Variants in LRMDA observed in about 807,000 individuals in gnomAD.
LRMDA encodes leucine rich melanocyte differentiation associated.
LRMDA carries 18 observed loss-of-function variants against 29.8 expected under a neutral mutation model. The observed-to-expected ratio is 0.60, with a 90% CI of 0.42 to 0.90. LRMDA has a LOEUF of 0.90. LRMDA is among the 40% of genes least tolerant of loss of function. The pLI is 0.00. For missense variants in LRMDA, 273 were observed against 273.9 expected, an observed-to-expected ratio of 1.00 and a Z score of 0.02; for synonymous variants, 125 against 109.4, an observed-to-expected ratio of 1.14 and a Z score of -0.89.
At chr10:76,375,511 G>A (rs143074942) in intron 6 of LRMDA, among the ~76,000 whole-genome samples, 32 of 152,234 alleles carry the variant, frequency 2.1e-4, no homozygotes, top group African/African-American at 7.2e-4. Context: ...AAAATGCTTC[G>A]TAGTGTTTTA....
intron 5 of LRMDA, among the ~76,000 whole-genome samples, chr10:76,280,927 GTGGCCTTA>G: frequency 6.6e-6 from 1 of 152,140 alleles, no homozygotes; most frequent in East Asian, 1.9e-4. Flanking sequence ...AGAATTGCTT[GTGGCCTTA>G]TTGATATACA....
At chr10:75,479,582 C>T (rs1336222953) in intron 2 of LRMDA, among the ~76,000 whole-genome samples, 2 of 151,696 alleles carry the variant, frequency 1.3e-5, no homozygotes, top group South Asian at 2.1e-4. Flanking sequence ...GAAGGAGCCA[C>T]TCATTCATTC....
rs376345087 is a variant in LRMDA at position 76,222,908 on chromosome 10, C to T, written c.517-101493C>T. On this transcript the variant is annotated intron_variant, in intron 5 of 6. Transcript: ENST00000611255. ...TAGACTGGATTAAGAAAATGTGGCA[C>T]ATATACACCATGGAATACTATGCAG... is the stretch of plus-strand genomic sequence containing the variant. Among the ~76,000 whole-genome samples the T allele has an allele frequency of 8.8e-3, 1,336 of 152,140 alleles. 16 individuals are homozygous for T. The highest frequency in any genetic ancestry group is 0.013 in the Non-Finnish European group (891 of 68,000).
At chr10:75,698,347 G>T (rs1005883091) in intron 2 of LRMDA, among the ~76,000 whole-genome samples, 1 of 152,192 alleles carries the variant, frequency 6.6e-6, no homozygotes, top group Non-Finnish European at 1.5e-5. Context: ...AAGAACACTG[G>T]CCCTTACCTC....
intron 6 of LRMDA, among the ~76,000 whole-genome samples, chr10:76,537,265 G>A (rs920906621): frequency 6.6e-6 from 1 of 152,200 alleles, no homozygotes; most frequent in Non-Finnish European, 1.5e-5. Flanking sequence ...TTGGAAACCA[G>A]TATGTGGATG....
At chr10:75,579,110 C>CA (rs1000355114) in intron 2 of LRMDA, among the ~76,000 whole-genome samples, 35 of 152,028 alleles carry the variant, frequency 2.3e-4, no homozygotes, top group Middle Eastern at 3.4e-3. Flanking sequence ...AAAAACCCTT[C>CA]AAAAAAATCA....
chr10:76,536,518 A>T (rs1843292984), intron 6 of LRMDA, among the ~76,000 whole-genome samples: 1 of 152,150 alleles, frequency 6.6e-6, no homozygotes, highest in South Asian at 2.1e-4. Flanking sequence ...GATCTAGAGC[A>T]TGTTCCCACC....
intron 2 of LRMDA, among the ~76,000 whole-genome samples, chr10:75,675,947 G>A (rs1009441060): frequency 3.9e-5 from 6 of 152,150 alleles, no homozygotes; most frequent in Admixed American, 3.9e-4. Context: ...GCCAACTGTG[G>A]TCTCCCTGCT....
At chr10:76,328,269 G>T (rs1217262704) in intron 6 of LRMDA, among the ~76,000 whole-genome samples, 1 of 152,176 alleles carries the variant, frequency 6.6e-6, no homozygotes, top group Non-Finnish European at 1.5e-5. Flanking sequence ...TACAGGACAT[G>T]CCCCAGCGTG....
chr10:76,156,671 G>A (rs1032614419), intron 5 of LRMDA, among the ~76,000 whole-genome samples: 2 of 152,156 alleles, frequency 1.3e-5, no homozygotes, highest in African/African-American at 4.8e-5. Flanking sequence ...TGGGCCATTG[G>A]TTTAGATTCT....
chr10:75,782,813 C>A (rs1843406475), intron 2 of LRMDA: 17 of 1,451,550 alleles, frequency 1.2e-5, no homozygotes, highest in Admixed American at 7.2e-5. Context: ...TTGTTGAGAA[C>A]CTTTAGCCAG....
intron 2 of LRMDA, among the ~76,000 whole-genome samples, chr10:75,872,298 C>G (rs1488253415): frequency 6.6e-6 from 1 of 151,036 alleles, no homozygotes; most frequent in African/African-American, 2.5e-5. Context: ...CTCTCTCTCT[C>G]TCTTTTTTTT....
At position 76,047,238 on chromosome 10, in the gene LRMDA, C is replaced by T. The variant is rs1299741699; in HGVS notation, c.333C>T (p.Gly111=). 1 of 1,613,936 alleles carries T rather than the reference C, an allele frequency of 6.2e-7. No homozygotes were observed. The highest frequency in any genetic ancestry group is 2.2e-5 in the East Asian group (1 of 44,894). Residue 111 remains glycine, a synonymous_variant, in exon 4 of 7, where the codon GGC becomes GGT. Coordinates refer to ENST00000611255, the MANE Select transcript of LRMDA (RefSeq NM_001305581.2). ...TPALEYLSLL[G]NVACPNELVS... ...CTCTGGAGTACCTCAGTCTGCTGGG[C>T]AACGTGGCCTGTCCCAACGAGCTGG...
chr10:76,235,260 T>G (rs754751631), intron 5 of LRMDA, among the ~76,000 whole-genome samples: 33 of 152,132 alleles, frequency 2.2e-4, no homozygotes, highest in Non-Finnish European at 4.7e-4. Flanking sequence ...GCTTGCCATC[T>G]TCTATGAGCA....
chr10:76,303,714 C>CT (rs3066443), intron 5 of LRMDA, among the ~76,000 whole-genome samples: 50,403 of 141,946 alleles, frequency 0.36, 9,761 homozygotes, highest in Non-Finnish European at 0.45. Context: ...GATTGCCACT[C>CT]TTTTTTTTTT....
At chr10:75,500,994 C>G (rs868794907) in intron 2 of LRMDA, among the ~76,000 whole-genome samples, 17 of 152,220 alleles carry the variant, frequency 1.1e-4, no homozygotes, top group Admixed American at 2.6e-4. Flanking sequence ...ATTCTCAAGT[C>G]TCTTCTTTGC....
intron 2 of LRMDA, among the ~76,000 whole-genome samples, chr10:75,821,746 G>C (rs933251393): frequency 6.6e-6 from 1 of 151,292 alleles, no homozygotes; most frequent in African/African-American, 2.4e-5. Context: ...TCCAGCCTGG[G>C]CGACAGAGAG....
At chr10:76,249,524 C>G (rs925120865) in intron 5 of LRMDA, among the ~76,000 whole-genome samples, 3 of 152,144 alleles carry the variant, frequency 2.0e-5, no homozygotes, top group Non-Finnish European at 2.9e-5. Context: ...GCTTTATGAA[C>G]CCTTTCTTAA....
At chr10:75,638,709 G>A (rs1336384559) in intron 2 of LRMDA, among the ~76,000 whole-genome samples, 2 of 152,182 alleles carry the variant, frequency 1.3e-5, no homozygotes, top group East Asian at 1.9e-4. Flanking sequence ...CAAGGAATGG[G>A]GAAAATATAT....
Sources: allele counts gnomAD v4.1 joint callset (sites outside exome capture counted in the v4.1 genomes callset), GRCh38; gene constraint gnomAD v4.1.1; transcripts MANE v1.5; gene names NCBI Gene and HGNC (gene_info 2026-07-23, HGNC 2026-07-21).